Variants in DICER1 observed in about 807,000 individuals in gnomAD.
The protein encoded by DICER1 is endoribonuclease Dicer.
A neutral mutation model predicts 194.1 loss-of-function variants in DICER1; 43 were observed. The observed-to-expected ratio is 0.22, with a 90% CI of 0.17 to 0.29. DICER1 has a LOEUF of 0.29. DICER1 is among the 10% of genes least tolerant of loss of function. DICER1 has a pLI of 1.00. For missense variants in DICER1, 1,608 were observed against 2,317.0 expected (o/e 0.69, Z 6.28); for synonymous variants, 832 against 820.5 (o/e 1.01, Z -0.24).
At chr14:95,147,884 T>C (rs1013939309) in intron 1 of DICER1, among the ~76,000 whole-genome samples, 1 of 152,210 alleles carries the variant, frequency 6.6e-6, no homozygotes, top group Non-Finnish European at 1.5e-5. Context: ...AAAACTTACT[T>C]ATGTTTACCA....
At chr14:95,099,703 G>A (rs1890679756) in intron 22 of DICER1, 77 bp downstream of exon 22, 3 of 1,523,444 alleles carry the variant, frequency 2.0e-6, no homozygotes, top group Middle Eastern at 1.9e-4. Flanking sequence ...CAAATTATTT[G>A]GCTCACCGAA....
intron 8 of DICER1, among the ~76,000 whole-genome samples, chr14:95,123,406 C>T (rs1893112285): frequency 6.6e-6 from 1 of 152,112 alleles, no homozygotes; most frequent in African/African-American, 2.4e-5. Flanking sequence ...TTGTTCTAAA[C>T]TTTTTGCACT....
intron 1 of DICER1, among the ~76,000 whole-genome samples, chr14:95,148,408 C>G (rs1417045354): frequency 6.6e-6 from 1 of 152,162 alleles, no homozygotes; most frequent in Non-Finnish European, 1.5e-5. Flanking sequence ...TTTGGAGATT[C>G]TAAGGATTTC....
chr14:95,137,189 G>A (rs1894444937), intron 1 of DICER1, among the ~76,000 whole-genome samples: 1 of 148,694 alleles, frequency 6.7e-6, no homozygotes, highest in Non-Finnish European at 1.5e-5. Flanking sequence ...GAAGGAGAAG[G>A]AAAAGGGGAA....
In DICER1 at chr14:95,090,370, C is replaced by A; in HGVS notation, c.*128G>T. The A allele has an allele frequency of 9.4e-7, 1 of 1,063,996 alleles. No homozygotes were observed. The highest frequency in any genetic ancestry group is 1.4e-6 in the Non-Finnish European group (1 of 704,920). The allele number at this position is 1,063,996 out of a possible 1,614,324, so 65.9% of individuals were successfully genotyped here. On this transcript the variant is annotated 3_prime_UTR_variant, in exon 27 of 27. Coordinates refer to ENST00000343455, the MANE Select transcript of DICER1 (RefSeq NM_177438.3). Reference sequence around the variant, plus strand: ...ATTCTGTTATCTATCCTGTTATCAACCAAACTTTAAATTCTGCCTTCAATT... The same window carrying A: ...ATTCTGTTATCTATCCTGTTATCAAACAAACTTTAAATTCTGCCTTCAATT...
chr14:95,153,965 T>G (rs902686644), intron 1 of DICER1, among the ~76,000 whole-genome samples: 4 of 152,138 alleles, frequency 2.6e-5, no homozygotes, highest in African/African-American at 7.2e-5. Flanking sequence ...TAAGAGCGAG[T>G]ATAATACATA....
At position 95,121,471 on chromosome 14, in the gene DICER1, G is replaced by A. The variant is rs1892933048; in HGVS notation, c.1376+2725C>T. ...AATATCAATGGGGGAAACTAAGTGA[G>A]GGGCATATGAGAACTCCGTACCATT... On this transcript the variant is annotated intron_variant, in intron 8 of 26. Coordinates refer to ENST00000343455, the MANE Select transcript of DICER1 (RefSeq NM_177438.3). Among the ~76,000 whole-genome samples, 4 of 152,142 alleles carry A rather than the reference G, an allele frequency of 2.6e-5. No homozygotes were observed. In the South Asian group the frequency reaches 8.3e-4, roughly 32 times the overall value.
rs565069860 is a variant in DICER1, at chr14:95,153,549, AGATT to A, written c.-46+3677_-46+3680del. On this transcript the variant is annotated intron_variant, in intron 1 of 26. Coordinates refer to ENST00000343455, the MANE Select transcript of DICER1 (RefSeq NM_177438.3). ...ATGTTATTTAATGTAATAATCCAAAAGATTGATTATTCTTCATACAAGAGAAAAA... is the reference window on the plus strand; with the variant it reads ...ATGTTATTTAATGTAATAATCCAAAAGATTATTCTTCATACAAGAGAAAAA... Among the ~76,000 whole-genome samples the A allele has an allele frequency of 5.3e-3, 805 of 152,358 alleles. 3 individuals are homozygous for A. The highest frequency in any genetic ancestry group is 0.018 in the African/African-American group (747 of 41,590).
intron 1 of DICER1, among the ~76,000 whole-genome samples, chr14:95,146,184 G>C (rs1263369238): frequency 6.6e-6 from 1 of 152,208 alleles, no homozygotes; most frequent in Non-Finnish European, 1.5e-5. Flanking sequence ...CCTGAAGGTC[G>C]AGATACACAG....
At chr14:95,146,270 A>G (rs994981556) in intron 1 of DICER1, among the ~76,000 whole-genome samples, 1 of 152,208 alleles carries the variant, frequency 6.6e-6, no homozygotes, top group Non-Finnish European at 1.5e-5. Context: ...CTGTCTTGCC[A>G]TTTGGCACAC....
chr14:95,146,085 T>C (rs968750011), intron 1 of DICER1, among the ~76,000 whole-genome samples: 1 of 152,252 alleles, frequency 6.6e-6, no homozygotes, highest in Admixed American at 6.5e-5. Context: ...AATGCTTATG[T>C]TGAGAGCAGC....
chr14:95,150,681 T>G (rs974798632), intron 1 of DICER1, among the ~76,000 whole-genome samples: 1 of 152,204 alleles, frequency 6.6e-6, no homozygotes, highest in African/African-American at 2.4e-5. Context: ...TTACATAGCC[T>G]GAAAGCTTTT....
intron 1 of DICER1, among the ~76,000 whole-genome samples, chr14:95,142,132 C>A (rs978663769): frequency 4.7e-5 from 7 of 148,114 alleles, no homozygotes; most frequent in African/African-American, 1.7e-4. Context: ...TTTTTTTTTT[C>A]TATTTTGTAG....
intron 7 of DICER1, 58 bp downstream of exon 7, chr14:95,126,522 T>C (rs1035478756): frequency 5.2e-6 from 6 of 1,145,848 alleles, no homozygotes; most frequent in Non-Finnish European, 7.7e-6. Context: ...CATTTCAATA[T>C]TAAAAATTAA....
rs1026675266 is a variant in DICER1, at chr14:95,103,694, T to C, written c.3702A>G (p.Glu1234=). The change falls in exon 21 of 27, where the codon GAA becomes GAG. Residue 1234 remains glutamate, a synonymous_variant. Coordinates refer to ENST00000343455, the MANE Select transcript of DICER1 (RefSeq NM_177438.3). ...SYENQPQPSD[E]CTLLSNKYLD... ...GGTATTTATTACTCAGGAGAGTACA[T>C]TCATCGCTGGGCTGGGGCTGGTTCT... The C allele has an allele frequency of 2.0e-5, 32 of 1,614,234 alleles. No individual in the cohort carries two copies. The highest frequency in any genetic ancestry group is 2.5e-5 in the Non-Finnish European group (30 of 1,180,030).
In DICER1 at chr14:95,105,943, C is replaced by T. The variant is rs1217109112; in HGVS notation, c.2987+98G>A. 5.5e-6 allele frequency: 8 copies of T among 1,455,914 alleles called. No homozygotes were observed. Among genetic ancestry groups the T allele is most frequent in the Non-Finnish European group, 6.8e-6 (7 of 1,036,928 alleles). 90.2% of individuals were successfully genotyped at this position (1,455,914 alleles called of 1,614,324 possible). On this transcript the variant is annotated intron_variant, in intron 18 of 26. Transcript: ENST00000343455. The surrounding 1 kb of genome is among the most constrained non-coding windows in gnomAD (Gnocchi z 4.9). ...AAGCATCTCCTGATTTCAGATAGTC[C>T]ACGGGTGGGCAGGGGGACAGTGAAC... is the stretch of plus-strand genomic sequence containing the variant.
chr14:95,108,543 T>C (rs778231319), intron 14 of DICER1, 40 bp from the exon 15 acceptor site: 5 of 1,561,286 alleles, frequency 3.2e-6, no homozygotes, highest in African/African-American at 2.7e-5. Context: ...TGCTCAAGCA[T>C]ATTAGCCTCT....
rs1555371642 is a variant in DICER1, at chr14:95,111,454, C to T, written c.2119G>A (p.Glu707Lys). 6.2e-7 allele frequency: 1 copy of T among 1,613,944 alleles called. No homozygotes were observed. The highest frequency in any genetic ancestry group is 8.5e-7 in the Non-Finnish European group (1 of 1,179,890). Residue 707 changes from glutamate to lysine, a missense_variant and splice_region_variant, in exon 14 of 27, where the codon GAA (glutamate) becomes AAA (lysine). This residue lies in a region of DICER1 where 657 missense variants were observed against 910.1 expected (regional missense o/e 0.72). Transcript: ENST00000343455. Reference protein sequence around the residue: ...ICCEKLHKIGELDDHLMPVGK... With the variant: ...ICCEKLHKIGKLDDHLMPVGK... ...ACTGGCATCAAATGGTCATCCAGTT[C>T]GCCTAACAAATTTAAAGAGAGAATT...
Position 95,126,721 on chromosome 14 carries a change from C to T in DICER1, c.762G>A (p.Val254=). 1 of 1,610,300 alleles carries T rather than the reference C, an allele frequency of 6.2e-7. No homozygotes were observed. Among genetic ancestry groups the T allele is most frequent in the East Asian group, 2.2e-5 (1 of 44,734 alleles). ...DRYTSQPCEI[V]VDCGPFTDRS... Reference sequence around the variant, plus strand: ...TGTCAGTAAATGGTCCACAATCCACCACAATCTCACATGGCTGAGAAGTAT... The same window carrying T: ...TGTCAGTAAATGGTCCACAATCCACTACAATCTCACATGGCTGAGAAGTAT... Residue 254 remains valine (V), a synonymous_variant, in exon 7 of 27, where the codon GTG becomes GTA. Transcript: ENST00000343455.
Sources: allele counts gnomAD v4.1 joint callset (sites outside exome capture counted in the v4.1 genomes callset), GRCh38; gene constraint gnomAD v4.1.1; regional missense constraint gnomAD v4.1.1; non-coding constraint Gnocchi (gnomAD v3.1); transcripts MANE v1.5; gene names NCBI Gene and HGNC (gene_info 2026-07-23, HGNC 2026-07-21).